The following CDH4 variants were observed in gnomAD, a reference collection of about 807,000 sequenced individuals.
CDH4 encodes cadherin-4.
CDH4 carries 33 observed loss-of-function variants against 86.0 expected under a neutral mutation model. The observed-to-expected ratio is 0.38, with a 90% CI of 0.29 to 0.51. The LOEUF is 0.51. CDH4 is among the 20% of genes least tolerant of loss of function. CDH4 has a pLI of 0.86. For synonymous variants in CDH4, 555 were observed against 549.4 expected, an observed-to-expected ratio of 1.01 and a Z score of -0.14; for missense variants, 1,114 against 1,307.4, an observed-to-expected ratio of 0.85 and a Z score of 2.28.
intron 2 of CDH4, among the ~76,000 whole-genome samples, chr20:61,628,618 G>A (rs556537846): frequency 1.3e-5 from 2 of 152,348 alleles, no homozygotes; most frequent in East Asian, 1.9e-4. Context: ...AGCCCCACAG[G>A]CCGGGCATCT....
chr20:61,846,131 G>A (rs373119587), intron 5 of CDH4, among the ~76,000 whole-genome samples: 4 of 152,250 alleles, frequency 2.6e-5, no homozygotes, highest in South Asian at 2.1e-4. Flanking sequence ...GGAGCTGGAT[G>A]GATCCTGGGG....
intron 2 of CDH4, among the ~76,000 whole-genome samples, chr20:61,560,259 T>C (rs898882792): frequency 6.6e-6 from 1 of 152,164 alleles, no homozygotes; most frequent in African/African-American, 2.4e-5. Flanking sequence ...CACGTGACTT[T>C]TTAAATTGCT....
intron 2 of CDH4, among the ~76,000 whole-genome samples, chr20:61,538,279 G>T (rs1279009246): frequency 6.6e-6 from 1 of 152,116 alleles, no homozygotes; most frequent in East Asian, 1.9e-4. Context: ...TATCCCTCCA[G>T]CTGTGCCCGT....
In CDH4 at chr20:61,752,717, C is replaced by T. The variant is rs2088515253; in HGVS notation, c.396+8928C>T. ...AAAGTGAACAAACTGCAGCTAGAAG[C>T]AACAAAGCCAGCGAATCTCACAAAC... On this transcript the variant is annotated intron_variant, in intron 3 of 15. Coordinates refer to ENST00000614565, the MANE Select transcript of CDH4 (RefSeq NM_001794.5). 2.6e-5 allele frequency among the ~76,000 whole-genome samples: 4 copies of T among 152,272 alleles called. No homozygotes were observed. The South Asian group carries it at 8.3e-4, about 32-fold the overall frequency.
chr20:61,869,183 T>C (rs2146141748), intron 6 of CDH4, among the ~76,000 whole-genome samples: 1 of 152,378 alleles, frequency 6.6e-6, no homozygotes, highest in African/African-American at 2.4e-5. Context: ...AACTAGAAGT[T>C]GGCAACCCTA....
At chr20:61,910,296 G>A (rs562573659) in intron 8 of CDH4, 126 bp from the exon 9 acceptor site, 8 of 796,722 alleles carry the variant, frequency 1.0e-5, no homozygotes, top group Admixed American at 6.5e-5. Flanking sequence ...GTGAACACTC[G>A]AGCTGGGCTG....
In CDH4 at chr20:61,283,495, CATTT is replaced by C. The variant is rs1568781098; in HGVS notation, c.169+28559_169+28562del. Among the ~76,000 whole-genome samples, 55 of 70,630 alleles carry C rather than the reference CATTT, an allele frequency of 7.8e-4. 3 individuals are homozygous for C. Among genetic ancestry groups the C allele is most frequent in the African/African-American group, 2.2e-3 (45 of 20,532 alleles). 46.3% of individuals were successfully genotyped at this position (70,630 alleles called of 152,430 possible). Reference sequence around the variant, plus strand: ...TGTGCTGTGGTGTGTGATGTAGGTGCATTTGCACGCGTGTGCTGTGGTGTGTGAT... The same window carrying C: ...TGTGCTGTGGTGTGTGATGTAGGTGCGCACGCGTGTGCTGTGGTGTGTGAT... On this transcript the variant is annotated intron_variant, in intron 2 of 15. Coordinates refer to ENST00000614565, the MANE Select transcript of CDH4 (RefSeq NM_001794.5).
chr20:61,843,722 TG>T (rs1465614425), intron 4 of CDH4, among the ~76,000 whole-genome samples: 2 of 152,056 alleles, frequency 1.3e-5, no homozygotes, highest in African/African-American at 4.8e-5. Flanking sequence ...TGTTCCATTT[TG>T]TTTTGGGGGT....
intron 2 of CDH4, among the ~76,000 whole-genome samples, chr20:61,658,070 C>T (rs1007399857): frequency 7.2e-5 from 11 of 152,104 alleles, no homozygotes; most frequent in African/African-American, 2.7e-4. Flanking sequence ...AGGACCCCAG[C>T]CAGGCACAGG....
At chr20:61,598,680 G>C (rs767391357) in intron 2 of CDH4, among the ~76,000 whole-genome samples, 4 of 152,188 alleles carry the variant, frequency 2.6e-5, no homozygotes, top group Admixed American at 6.5e-5. Context: ...GGACTTTGCC[G>C]TCTGTGCCTT....
chr20:61,482,096 G>C (rs774555688), intron 2 of CDH4, among the ~76,000 whole-genome samples: 1 of 152,142 alleles, frequency 6.6e-6, no homozygotes, highest in Non-Finnish European at 1.5e-5. Context: ...ATCCCGCTTT[G>C]CTCTGGGCCC....
At chr20:61,857,208 C>T (rs139310321) in intron 6 of CDH4, among the ~76,000 whole-genome samples, 30 of 152,370 alleles carry the variant, frequency 2.0e-4, no homozygotes, top group African/African-American at 5.3e-4. Context: ...ATGCGTTCCG[C>T]GCTGTCTGGG....
At position 61,531,490 on chromosome 20, in the gene CDH4, AAAAAAG is replaced by A. The variant is rs372055051; in HGVS notation, c.170-212072_170-212067del. ...TGCATCTCAAAAAAAAAAAAAAAAA[AAAAAAG>A]GGATTTAGCAAAAGGATTTACTTCC... is the stretch of plus-strand genomic sequence containing the variant. On this transcript the variant is annotated intron_variant, in intron 2 of 15. Coordinates refer to ENST00000614565, the MANE Select transcript of CDH4 (RefSeq NM_001794.5). Among the ~76,000 whole-genome samples, 84 of 144,940 alleles carry A rather than the reference AAAAAAG, an allele frequency of 5.8e-4. 2 individuals are homozygous for A. Among genetic ancestry groups the A allele is most frequent in the African/African-American group, 2.3e-3 (79 of 34,748 alleles).
At chr20:61,704,319 T>C (rs1024904845) in intron 2 of CDH4, among the ~76,000 whole-genome samples, 16 of 152,136 alleles carry the variant, frequency 1.1e-4, no homozygotes, top group Admixed American at 8.5e-4. Flanking sequence ...ATTCTCAGAA[T>C]GGGCTTTTGC....
intron 2 of CDH4, among the ~76,000 whole-genome samples, chr20:61,566,408 A>G (rs2086298191): frequency 6.6e-6 from 1 of 152,180 alleles, no homozygotes; most frequent in Non-Finnish European, 1.5e-5. Flanking sequence ...GTAAAAATGA[A>G]TTACAAACTG....
chr20:61,565,175 G>GTGA (rs1175036548), intron 2 of CDH4, among the ~76,000 whole-genome samples: 2 of 103,042 alleles, frequency 1.9e-5, no homozygotes, highest in African/African-American at 3.9e-5. Context: ...TGATGGGGTG[G>GTGA]TGGTGGTGGT....
chr20:61,691,029 C>A, intron 2 of CDH4, among the ~76,000 whole-genome samples: 1 of 152,186 alleles, frequency 6.6e-6, no homozygotes, highest in Middle Eastern at 3.2e-3. Context: ...ATGATTTTAG[C>A]ATTTGGTACC....
At chr20:61,713,873 C>T (rs186584568) in intron 2 of CDH4, among the ~76,000 whole-genome samples, 8 of 152,198 alleles carry the variant, frequency 5.3e-5, no homozygotes, top group Non-Finnish European at 7.4e-5. Context: ...ATCAACAAGG[C>T]GGGTGTGGGC....
intron 2 of CDH4, among the ~76,000 whole-genome samples, chr20:61,416,247 A>T (rs1178621383): frequency 7.3e-6 from 1 of 136,632 alleles, no homozygotes; most frequent in Non-Finnish European, 1.6e-5. Flanking sequence ...TGATCCACCC[A>T]CCTCGGCCTC....
Sources: allele counts gnomAD v4.1 joint callset (sites outside exome capture counted in the v4.1 genomes callset), GRCh38; gene constraint gnomAD v4.1.1; transcripts MANE v1.5; gene names NCBI Gene and HGNC (gene_info 2026-07-23, HGNC 2026-07-21).